TRPM3: variants seen among roughly 807,000 people sequenced by gnomAD.
TRPM3 encodes transient receptor potential cation channel subfamily M member 3.
Under a neutral mutation model 181.2 loss-of-function variants are expected in TRPM3, and 77 were observed. The observed-to-expected ratio is 0.42, with a 90% CI of 0.35 to 0.51. TRPM3 has a LOEUF of 0.51. Ranked by LOEUF, TRPM3 falls within the 20% of genes least tolerant of loss-of-function variation. The pLI is 0.01. For missense variants in TRPM3, 1,759 were observed against 2,196.7 expected, an observed-to-expected ratio of 0.80 and a Z score of 3.98; for synonymous variants, 745 against 796.4, an observed-to-expected ratio of 0.94 and a Z score of 1.09.
chr9:71,284,670 A>C (rs142337546), intron 1 of TRPM3, among the ~76,000 whole-genome samples: 3,959 of 152,314 alleles, frequency 0.026, 77 homozygotes, highest in Non-Finnish European at 0.036. Flanking sequence ...GATCATTAGA[A>C]TACTTTCTTC....
At chr9:70,641,122 G>A (rs1389544857) in intron 9 of TRPM3, among the ~76,000 whole-genome samples, 2 of 152,110 alleles carry the variant, frequency 1.3e-5, no homozygotes, top group African/African-American at 4.8e-5. Flanking sequence ...ATGTGTGAAG[G>A]GAGGCAAAAC....
chr9:71,375,756 G>C (rs1417062931), intron 1 of TRPM3, among the ~76,000 whole-genome samples: 1 of 152,142 alleles, frequency 6.6e-6, no homozygotes, highest in Non-Finnish European at 1.5e-5. Flanking sequence ...TCAGCCAGCA[G>C]TCATCAACAT....
chr9:70,829,226 A>C (rs2093743919), intron 5 of TRPM3, among the ~76,000 whole-genome samples: 1 of 152,184 alleles, frequency 6.6e-6, no homozygotes, highest in Non-Finnish European at 1.5e-5. Flanking sequence ...ATAAAGCTGT[A>C]GTAAGATTGA....
chr9:71,002,354 C>T (rs985198369), intron 1 of TRPM3, among the ~76,000 whole-genome samples: 2 of 152,118 alleles, frequency 1.3e-5, no homozygotes, highest in South Asian at 2.1e-4. Flanking sequence ...TTGGAGCCAG[C>T]GGTTTTAGCT....
intron 1 of TRPM3, among the ~76,000 whole-genome samples, chr9:71,393,841 C>G (rs2093123636): frequency 6.6e-6 from 1 of 152,190 alleles, no homozygotes; most frequent in Admixed American, 6.5e-5. Context: ...TGACAGACAT[C>G]TCAACGTCAC....
chr9:71,420,737 AAGAGAGAGAAAG>A (rs2093726942), intron 1 of TRPM3, among the ~76,000 whole-genome samples: 2 of 49,390 alleles, frequency 4.0e-5, no homozygotes, highest in Admixed American at 3.2e-4. Context: ...GAGAGAGAGA[AAGAGAGAGAAAG>A]AGAGAGAAAG....
At chr9:70,841,634 A>ATATATATATATATATATCTATATCCCAC (rs1344134818) in intron 5 of TRPM3, among the ~76,000 whole-genome samples, 3 of 83,168 alleles carry the variant, frequency 3.6e-5, no homozygotes, top group Non-Finnish European at 6.9e-5. Flanking sequence ...CTATATATAT[A>ATATATATATATATATATCTATATCCCAC]TATATATATA....
intron 1 of TRPM3, among the ~76,000 whole-genome samples, chr9:70,963,210 A>G (rs1251326295): frequency 6.6e-6 from 1 of 152,194 alleles, no homozygotes; most frequent in Non-Finnish European, 1.5e-5. Flanking sequence ...GGGAAGGATA[A>G]AAGAGTCATC....
intron 9 of TRPM3, among the ~76,000 whole-genome samples, chr9:70,680,972 T>A (rs910093461): frequency 1.3e-5 from 2 of 152,136 alleles, no homozygotes; most frequent in Non-Finnish European, 2.9e-5. Context: ...AGTATTACCA[T>A]TTTTGCCTTG....
intron 1 of TRPM3, among the ~76,000 whole-genome samples, chr9:70,968,036 C>T (rs1304961263): frequency 2.0e-5 from 3 of 152,070 alleles, no homozygotes; most frequent in Non-Finnish European, 4.4e-5. Flanking sequence ...TGGGTCCTTG[C>T]ATTCATTTTA....
At chr9:70,538,908 G>T (rs1167782224) in intron 25 of TRPM3, among the ~76,000 whole-genome samples, 1 of 152,128 alleles carries the variant, frequency 6.6e-6, no homozygotes, top group East Asian at 1.9e-4. Flanking sequence ...TTTTTCACTT[G>T]CTCAAATTAA....
At chr9:71,226,009 T>TAAAAAAAAAAAAAAAAAAAAAAAA in intron 1 of TRPM3, among the ~76,000 whole-genome samples, 5 of 34,704 alleles carry the variant, frequency 1.4e-4, no homozygotes, top group East Asian at 7.9e-4. Flanking sequence ...CAACAAAAGG[T>TAAAAAAAAAAAAAAAAAAAAAAAA]AAAAAAAAAA....
chr9:71,212,289 A>G (rs2079556247), intron 1 of TRPM3, among the ~76,000 whole-genome samples: 1 of 151,936 alleles, frequency 6.6e-6, no homozygotes, highest in Non-Finnish European at 1.5e-5. Context: ...CATAATTTTT[A>G]TCTTTTGTAG....
Position 70,536,888 on chromosome 9 carries a change from A to T in TRPM3, c.4225T>A (p.Ser1409Thr). 6.2e-7 allele frequency: 1 copy of T among 1,614,198 alleles called. No homozygotes were observed. Among genetic ancestry groups the T allele is most frequent in the Non-Finnish European group, 8.5e-7 (1 of 1,180,042 alleles). ...LAIVPDSRRP[S>T]SCIDIYVSAM... is the part of the protein sequence containing the mutation. The stretch of plus-strand genomic sequence containing the variant: ...GAGACATAGATGTCTATACACGATG[A>T]TGGTCTTCTGGAATCAGGAACAATG... The change falls in exon 26 of 26, where the codon TCA (serine) becomes ACA (threonine). Residue 1409 changes from serine (S) to threonine (T), a missense_variant. Transcript: ENST00000677713.
intron 1 of TRPM3, among the ~76,000 whole-genome samples, chr9:71,055,978 C>T (rs2060610529): frequency 6.6e-6 from 1 of 151,948 alleles, no homozygotes; most frequent in South Asian, 2.1e-4. Flanking sequence ...TGCTATATAT[C>T]AGGCCGTGTA....
intron 8 of TRPM3, among the ~76,000 whole-genome samples, chr9:70,699,370 G>A (rs902386602): frequency 1.3e-5 from 2 of 152,162 alleles, no homozygotes; most frequent in East Asian, 1.9e-4. Flanking sequence ...GTGGGGAGGT[G>A]CAGGAAGAAG....
chr9:71,310,408 T>C (rs1285002462), intron 1 of TRPM3, among the ~76,000 whole-genome samples: 1 of 151,952 alleles, frequency 6.6e-6, no homozygotes, highest in Non-Finnish European at 1.5e-5. Context: ...AAGAAGTGGG[T>C]AAGGTAAATT....
intron 16 of TRPM3, among the ~76,000 whole-genome samples, chr9:70,619,615 A>G (rs1325082703): frequency 6.6e-6 from 1 of 151,286 alleles, no homozygotes; most frequent in African/African-American, 2.4e-5. Flanking sequence ...GGGTCTTGCT[A>G]TGTTGCCCAG....
intron 1 of TRPM3, among the ~76,000 whole-genome samples, chr9:71,145,168 A>T (rs912937904): frequency 1.2e-4 from 18 of 152,206 alleles, no homozygotes; most frequent in African/African-American, 4.3e-4. Context: ...AAGAGCAAAG[A>T]GTCAACGGTC....
Sources: allele counts gnomAD v4.1 joint callset (sites outside exome capture counted in the v4.1 genomes callset), GRCh38; gene constraint gnomAD v4.1.1; transcripts MANE v1.5; gene names NCBI Gene and HGNC (gene_info 2026-07-23, HGNC 2026-07-21).